Variants in NPHS2 observed in about 807,000 individuals in gnomAD.
NPHS2 encodes the protein NPHS2 stomatin family member, podocin.
NPHS2 carries 36 observed loss-of-function variants against 37.1 expected under a neutral mutation model. The observed-to-expected ratio is 0.97, with a 90% CI of 0.74 to 1.28. NPHS2 has a LOEUF of 1.28. Among genes scored for constraint, NPHS2 ranks in the 50% most tolerant of loss-of-function variants. NPHS2 has a pLI of 0.00. For missense variants in NPHS2, 447 were observed against 488.1 expected (o/e 0.92, Z 0.79); for synonymous variants, 196 against 189.3 (o/e 1.04, Z -0.29).
At chr1:179,553,202 C>T (rs1454078113) in intron 6 of NPHS2, among the ~76,000 whole-genome samples, 3 of 152,174 alleles carry the variant, frequency 2.0e-5, no homozygotes, top group African/African-American at 7.2e-5. Context: ...AGGTTAGCTG[C>T]CCCTCAAAAA....
At chr1:179,561,797 A>G (rs1218381276) in intron 2 of NPHS2, among the ~76,000 whole-genome samples, 1 of 152,080 alleles carries the variant, frequency 6.6e-6, no homozygotes, top group African/African-American at 2.4e-5. Flanking sequence ...CTGCTTCAAA[A>G]TGATTCAATT....
In NPHS2 at chr1:179,556,472, G is replaced by C. The variant is rs1194616707; in HGVS notation, c.738+555C>G. 6.6e-6 allele frequency among the ~76,000 whole-genome samples: 1 copy of C among 152,218 alleles called. No individual in the cohort carries two copies. The highest frequency in any genetic ancestry group is 1.5e-5 in the Non-Finnish European group (1 of 68,038). On this transcript the variant is annotated intron_variant, in intron 5 of 7. Coordinates refer to ENST00000367615, the MANE Select transcript of NPHS2 (RefSeq NM_014625.4). The surrounding 1 kb of genome is among the most constrained non-coding windows in gnomAD (Gnocchi z 4.1). ...TGCTGAGCTTGCTGTCTGTGGACTA[G>C]AGGGAGCTGCTTGTGAAGCAGTTCT...
intron 2 of NPHS2, 44 bp from the exon 3 acceptor site, chr1:179,561,405 A>G (rs1572282532): frequency 7.1e-7 from 1 of 1,411,482 alleles, no homozygotes; most frequent in Non-Finnish European, 1.0e-6. Context: ...CAGAAAGAAA[A>G]AGTCTTCAAA....
At position 179,550,931 on chromosome 1, in the gene NPHS2, G is replaced by T; in HGVS notation, c.*242C>A. On this transcript the variant is annotated 3_prime_UTR_variant, in exon 8 of 8. Coordinates refer to ENST00000367615, the MANE Select transcript of NPHS2 (RefSeq NM_014625.4). ...AAAATTCTTTCCAAAGTAGAATGTT[G>T]ACCAAAGCTGTTTCCCATAATTGCT... is the stretch of plus-strand genomic sequence containing the variant. 3 of 552,220 alleles carry T rather than the reference G, an allele frequency of 5.4e-6. No homozygotes were observed. Among genetic ancestry groups the T allele is most frequent in the Non-Finnish European group, 9.7e-6 (3 of 309,626 alleles). The allele number at this position is 552,220 out of a possible 1,614,324, so 34.2% of individuals were successfully genotyped here. A position where few individuals can be genotyped will look rare whatever the true frequency, so the allele number is the denominator to read the frequency against.
At chr1:179,554,649 T>C in intron 5 of NPHS2, 118 bp from the exon 6 acceptor site, 2 of 1,418,580 alleles carry the variant, frequency 1.4e-6, no homozygotes, top group Admixed American at 1.7e-5. Context: ...AAGGACATTA[T>C]TTGCCTGTTG....
At chr1:179,562,586 C>A (rs960840177) in intron 2 of NPHS2, among the ~76,000 whole-genome samples, 1 of 152,186 alleles carries the variant, frequency 6.6e-6, no homozygotes, top group Admixed American at 6.5e-5. Flanking sequence ...AGAGGCCCAA[C>A]AAAACACATT....
rs976650332 is a variant in NPHS2 at position 179,552,533 on chromosome 1, C to G, written c.873+70G>C. 5.0e-5 allele frequency: 61 copies of G among 1,225,564 alleles called. No homozygotes were observed. The African/African-American group carries it at 7.5e-4, about 15-fold the overall frequency. 75.9% of individuals were successfully genotyped at this position (1,225,564 alleles called of 1,614,324 possible). A position where few individuals can be genotyped will look rare whatever the true frequency, so the allele number is the denominator to read the frequency against. ...GCCTAATGAATGGACAGTAAGGAAG[C>G]AAAGGGGAAATGTTCTCCACGAGCA... On this transcript the variant is annotated intron_variant, in intron 7 of 7. Transcript: ENST00000367615.
Position 179,564,749 on chromosome 1 carries a change from G to A in NPHS2, c.319C>T (p.Leu107Phe), listed in dbSNP as rs1287838405. The stretch of plus-strand genomic sequence containing the variant: ...ATGATGATGAAGAGCAGGGAAATGA[G>A]GACAAGAAGCCACTCACAGGCCCCT... ...GLGACEWLLV[L>F]ISLLFIIMTF... The change falls in exon 2 of 8, where the codon CTC becomes TTC. Residue 107 changes from leucine to phenylalanine, a missense_variant. Leu to Phe is a conservative substitution (Grantham distance 22, BLOSUM62 0). Coordinates refer to ENST00000367615, the MANE Select transcript of NPHS2 (RefSeq NM_014625.4). The A allele has an allele frequency of 1.9e-6, 3 of 1,614,006 alleles. No individual in the cohort carries two copies. The highest frequency in any genetic ancestry group is 2.2e-5 in the East Asian group (1 of 44,902).
chr1:179,561,471 G>A, intron 2 of NPHS2, 110 bp from the exon 3 acceptor site: 4 of 788,788 alleles, frequency 5.1e-6, no homozygotes, highest in East Asian at 2.5e-5. Flanking sequence ...TTGAGAACCA[G>A]GAAAAAATTT....
At chr1:179,552,396 TATC>T (rs1673419070) in intron 7 of NPHS2, 5 of 619,162 alleles carry the variant, frequency 8.1e-6, no homozygotes, top group Non-Finnish European at 1.2e-5. Flanking sequence ...TGGTCACTAT[TATC>T]AGTAGCTTCA....
chr1:179,552,171 TGGCTC>T, intron 7 of NPHS2: 3 of 208,404 alleles, frequency 1.4e-5, no homozygotes, highest in Admixed American at 5.2e-5. Flanking sequence ...AGCCTTCTCT[TGGCTC>T]TAGCATTGAG....
intron 1 of NPHS2, among the ~76,000 whole-genome samples, chr1:179,574,866 C>G (rs1162105254): frequency 1.3e-5 from 2 of 152,198 alleles, no homozygotes; most frequent in African/African-American, 4.8e-5. Flanking sequence ...AAAGAGACAC[C>G]TTTCTTTGCA....
Position 179,557,169 on chromosome 1 carries a change from T to A in NPHS2, c.596A>T (p.Asn199Ile), listed in dbSNP as rs759834653. The change falls in exon 5 of 8, where the codon AAT (asparagine) becomes ATT (isoleucine). Residue 199 changes from asparagine (N) to isoleucine (I), a missense_variant. Physicochemically the swap from Asn to Ile is moderately radical, Grantham distance 149. Coordinates refer to ENST00000367615, the MANE Select transcript of NPHS2 (RefSeq NM_014625.4). ...AAGACTGCTTAGGAGAAGAGAGGCA[T>A]TTTCCATTCGGTAGTAGCAAATGGC... ...IDAICYYRME[N>I]ASLLLSSLAH... The A allele has an allele frequency of 3.1e-6, 5 of 1,614,048 alleles. No homozygotes were observed. In the East Asian group the frequency reaches 1.1e-4, roughly 36 times the overall value.
In NPHS2 at chr1:179,564,769, G is replaced by GCCC. The variant is rs1173183268; in HGVS notation, c.296_298dup (p.Gly99dup). 1 of 1,613,944 alleles carries GCCC rather than the reference G, an allele frequency of 6.2e-7. No individual in the cohort carries two copies. Among genetic ancestry groups the GCCC allele is most frequent in the East Asian group, 2.2e-5 (1 of 44,902 alleles). On this transcript the variant is annotated inframe_insertion, in exon 2 of 8. Transcript: ENST00000367615. ...AATGAGGACAAGAAGCCACTCACAGGCCCCTAAGCCGGAGGATTTGGTACC... is the reference window on the plus strand; with the variant it reads ...AATGAGGACAAGAAGCCACTCACAGGCCCCCCCTAAGCCGGAGGATTTGGTACC...
intron 1 of NPHS2, among the ~76,000 whole-genome samples, chr1:179,572,778 TCCTCCCTCCTTC>T (rs749378401): frequency 8.3e-4 from 125 of 151,346 alleles, no homozygotes; most frequent in Non-Finnish European, 1.3e-3. Flanking sequence ...TTCCTTCCCT[TCCTCCCTCCTTC>T]CCTCCCTCCT....
chr1:179,553,942 TC>T (rs1673692431), intron 6 of NPHS2, among the ~76,000 whole-genome samples: 1 of 143,860 alleles, frequency 7.0e-6, no homozygotes, highest in Non-Finnish European at 1.5e-5. Flanking sequence ...AGATCGAGTC[TC>T]GCTCTGTGGT....
rs1226651173 is a variant in NPHS2, at chr1:179,564,683, A to G, written c.378+7T>C. Reference sequence around the variant, plus strand: ...AAATTACCTATTGGGTCCTTATGGAATCTCACCTTTACGCAGAACCAGATG... The same window carrying G: ...AAATTACCTATTGGGTCCTTATGGAGTCTCACCTTTACGCAGAACCAGATG... On this transcript the variant is annotated splice_region_variant and intron_variant, in intron 2 of 7. Transcript: ENST00000367615. 1 of 1,612,164 alleles carries G rather than the reference A, an allele frequency of 6.2e-7. No individual in the cohort carries two copies. The highest frequency in any genetic ancestry group is 1.7e-5 in the Admixed American group (1 of 60,008).
chr1:179,573,821 G>A (rs10913820), intron 1 of NPHS2, among the ~76,000 whole-genome samples: 1,607 of 152,218 alleles, frequency 0.011, 31 homozygotes, highest in African/African-American at 0.036. Flanking sequence ...CAAACCTAAC[G>A]TGAAGATTTA....
chr1:179,555,102 C>T (rs1673850731), intron 5 of NPHS2, among the ~76,000 whole-genome samples: 1 of 152,178 alleles, frequency 6.6e-6, no homozygotes, highest in South Asian at 2.1e-4. Flanking sequence ...GAAATTGGTC[C>T]AGCTGACACC....
Sources: gnomAD v4.1 joint callset for allele counts (sites outside exome capture counted in the v4.1 genomes callset) on GRCh38, gnomAD v4.1.1 for gene constraint, Gnocchi (gnomAD v3.1) non-coding constraint, MANE v1.5 for transcripts, NCBI Gene and HGNC (gene_info 2026-07-23, HGNC 2026-07-21) for gene names.